ATP2C1: variants seen among roughly 807,000 people sequenced by gnomAD.
ATP2C1 encodes calcium-transporting ATPase type 2C member 1.
A neutral mutation model predicts 120.5 loss-of-function variants in ATP2C1; 31 were observed. The ratio of observed to expected loss-of-function variants is 0.26; its 90% CI spans 0.19 to 0.35. The LOEUF (loss-of-function observed/expected upper bound fraction) is 0.35, where lower values mean the gene tolerates loss of function less well. Ranked by LOEUF, ATP2C1 falls within the 10% of genes least tolerant of loss-of-function variation. The pLI is 1.00. For missense variants in ATP2C1, 731 were observed against 1,107.5 expected (o/e 0.66, Z 4.83); for synonymous variants, 351 against 358.7 (o/e 0.98, Z 0.24).
chr3:130,994,176 C>T (rs963062210), intron 22 of ATP2C1, 78 bp downstream of exon 22: 2 of 1,540,546 alleles, frequency 1.3e-6, no homozygotes, highest in African/African-American at 2.7e-5. Context: ...GAGAATTCAA[C>T]TGGAAAAGAA....
chr3:130,974,590 G>A (rs531132217), intron 17 of ATP2C1, among the ~76,000 whole-genome samples: 1 of 152,158 alleles, frequency 6.6e-6, no homozygotes, highest in African/African-American at 2.4e-5. Flanking sequence ...ACTTGGCTTA[G>A]CAGCAAAGAG....
chr3:131,003,313 A>G (rs892216181), downstream of ATP2C1: 6 of 333,502 alleles, frequency 1.8e-5, no homozygotes, highest in Admixed American at 1.3e-4. Context: ...GCAATTTTCC[A>G]TAATATATTA....
At chr3:130,901,661 C>A (rs1559898824) in intron 2 of ATP2C1, among the ~76,000 whole-genome samples, 1 of 152,032 alleles carries the variant, frequency 6.6e-6, no homozygotes, top group Non-Finnish European at 1.5e-5. Flanking sequence ...ATAGGTCAGA[C>A]TGTCATGATG....
intron 2 of ATP2C1, chr3:130,918,570 C>T (rs866606620): frequency 2.7e-6 from 2 of 733,526 alleles, no homozygotes; most frequent in East Asian, 2.6e-5. Flanking sequence ...AGTATGCCAG[C>T]GCCCTGGCCA....
chr3:130,894,601 A>AG lies in ATP2C1; in HGVS notation c.-165dup. ...GGTTTCTCTTGCAGATGCTGCTGCTAGGGGTGGTGGGAGCAGCCGTGGGAC... is the reference window on the plus strand; with the variant it reads ...GGTTTCTCTTGCAGATGCTGCTGCTAGGGGGTGGTGGGAGCAGCCGTGGGAC... On this transcript the variant is annotated 5_prime_UTR_variant, in exon 2 of 28. It introduces an in-frame stop codon into an upstream open reading frame of the 5' UTR. Transcript: ENST00000510168. The surrounding 1 kb of genome is among the most constrained non-coding windows in gnomAD (Gnocchi z 4.5). 1 of 1,540,222 alleles carries AG rather than the reference A, an allele frequency of 6.5e-7. No individual in the cohort carries two copies. Among genetic ancestry groups the AG allele is most frequent in the East Asian group, 2.4e-5 (1 of 42,274 alleles).
intron 18 of ATP2C1, among the ~76,000 whole-genome samples, chr3:130,976,566 A>C (rs1277273163): frequency 6.6e-6 from 1 of 152,122 alleles, no homozygotes; most frequent in Non-Finnish European, 1.5e-5. Flanking sequence ...TTTTGGATGG[A>C]AAAAAATTTA....
intron 2 of ATP2C1, among the ~76,000 whole-genome samples, chr3:130,912,749 C>G (rs1253469500): frequency 1.3e-5 from 2 of 148,840 alleles, no homozygotes; most frequent in Non-Finnish European, 1.5e-5. Flanking sequence ...CATCCCATTA[C>G]TGGGTATATA....
At chr3:130,893,661 A>G (rs1181244975), upstream of ATP2C1, among the ~76,000 whole-genome samples, 1 of 152,226 alleles carries the variant, frequency 6.6e-6, no homozygotes, top group East Asian at 1.9e-4. Context: ...AGAGCGCTTA[A>G]ACGCCTCGGG....
At chr3:130,966,597 G>A (rs1286798781) in intron 14 of ATP2C1, among the ~76,000 whole-genome samples, 3 of 151,780 alleles carry the variant, frequency 2.0e-5, no homozygotes, top group Non-Finnish European at 2.9e-5. Context: ...ATTTCTTTTC[G>A]TTTGGCTTGG....
At chr3:130,877,895 C>T (rs1226169515) in intron 1 of ATP2C1, among the ~76,000 whole-genome samples, 1 of 152,026 alleles carries the variant, frequency 6.6e-6, no homozygotes, top group Non-Finnish European at 1.5e-5. Flanking sequence ...ACCCAAATGT[C>T]CAACAGTGAT....
intron 1 of ATP2C1, among the ~76,000 whole-genome samples, chr3:130,859,481 T>C (rs952070724): frequency 1.3e-5 from 2 of 152,246 alleles, no homozygotes; most frequent in Non-Finnish European, 2.9e-5. Flanking sequence ...ATAGCAGTCA[T>C]TGATAAATGG....
chr3:130,925,007 A>C (rs1335843424), intron 2 of ATP2C1, among the ~76,000 whole-genome samples: 1 of 151,898 alleles, frequency 6.6e-6, no homozygotes, highest in Non-Finnish European at 1.5e-5. Flanking sequence ...TTTAAGTTGG[A>C]CTTCAGCTTT....
chr3:130,975,452 C>A lies in ATP2C1; in HGVS notation c.1534C>A (p.Gln512Lys), dbSNP rs751668019. The stretch of plus-strand genomic sequence containing the variant: ...TCAGCAGCAGAGAGATGTGTACCAA[C>A]AAGAGAAGGCACGCATGGGCTCAGC... ...LTQQQRDVYQ[Q>K]EKARMGSAGL... is the part of the protein sequence containing the mutation. Residue 512 changes from glutamine (Q) to lysine (K), a missense_variant, in exon 18 of 28, where the codon CAA becomes AAA. By Grantham distance (53) the Gln-to-Lys change is moderately conservative. Around this residue, in one of 3 missense-constraint regions of ATP2C1, gnomAD observed 571 missense variants for 845.9 expected, o/e 0.67. Coordinates refer to ENST00000510168, the MANE Select transcript of ATP2C1 (RefSeq NM_001378687.1). 1.2e-6 allele frequency: 2 copies of A among 1,613,780 alleles called. No individual in the cohort carries two copies. The highest frequency in any genetic ancestry group is 3.3e-5 in the Admixed American group (2 of 59,966).
At chr3:130,899,213 TG>T (rs893896970) in intron 2 of ATP2C1, among the ~76,000 whole-genome samples, 1 of 152,144 alleles carries the variant, frequency 6.6e-6, no homozygotes, top group Non-Finnish European at 1.5e-5. Context: ...ATGTGGGGGT[TG>T]GGGTGCTGAC....
At chr3:130,943,161 A>G (rs1467790727) in intron 8 of ATP2C1, among the ~76,000 whole-genome samples, 4 of 152,370 alleles carry the variant, frequency 2.6e-5, no homozygotes, top group African/African-American at 9.6e-5. Context: ...ACCTGTCAGT[A>G]TAGATTAGTA....
At chr3:130,859,451 C>T (rs181764501) in intron 1 of ATP2C1, among the ~76,000 whole-genome samples, 11 of 152,302 alleles carry the variant, frequency 7.2e-5, no homozygotes, top group African/African-American at 2.2e-4. Flanking sequence ...TCCAGTATAA[C>T]GATAAATAGC....
At chr3:130,967,536 A>G (rs911285144) in intron 16 of ATP2C1, 117 bp downstream of exon 16, 3 of 828,382 alleles carry the variant, frequency 3.6e-6, no homozygotes, top group East Asian at 2.6e-5. Context: ...AACTCATACT[A>G]TTTCATTGTT....
intron 2 of ATP2C1, among the ~76,000 whole-genome samples, chr3:130,925,992 C>A (rs2059186682): frequency 6.6e-6 from 1 of 152,144 alleles, no homozygotes; most frequent in African/African-American, 2.4e-5. Context: ...TCCCCAACAT[C>A]ACCAAGTCTT....
intron 11 of ATP2C1, among the ~76,000 whole-genome samples, chr3:130,956,870 C>T (rs1014208378): frequency 5.9e-5 from 9 of 152,092 alleles, no homozygotes; most frequent in Non-Finnish European, 1.2e-4. Flanking sequence ...GACCTGCCAA[C>T]GATTTCTTTT....
Sources: gnomAD v4.1 joint callset for allele counts (sites outside exome capture counted in the v4.1 genomes callset) on GRCh38, gnomAD v4.1.1 for gene constraint, gnomAD v4.1.1 regional missense constraint, Gnocchi (gnomAD v3.1) non-coding constraint, MANE v1.5 for transcripts, NCBI Gene and HGNC (gene_info 2026-07-23, HGNC 2026-07-21) for gene names.